The following RPS6KC1 variants were observed in gnomAD, a reference collection of about 807,000 sequenced individuals.
RPS6KC1 encodes the protein inactive ribosomal protein S6 kinase delta-1.
A neutral mutation model predicts 103.8 loss-of-function variants in RPS6KC1; 54 were observed. The ratio of observed to expected loss-of-function variants is 0.52; its 90% CI spans 0.42 to 0.65. RPS6KC1 has a LOEUF of 0.65. Among genes scored for constraint, RPS6KC1 ranks in the 30% least tolerant of loss-of-function variants. RPS6KC1 has a pLI of 0.00. For missense variants in RPS6KC1, 1,151 were observed against 1,253.8 expected (o/e 0.92, Z 1.24); for synonymous variants, 439 against 438.7 (o/e 1.00, Z -0.01).
At chr1:213,354,784 C>T in the RPS6KC1 span, among the ~76,000 whole-genome samples, 120 of 152,364 alleles carry the variant, frequency 7.9e-4, 1 homozygote, top group African/African-American at 2.8e-3. Context: ...ATGGATTAAT[C>T]TATTCCTTTA....
At chr1:213,248,019 G>T (rs572502039) in intron 12 of RPS6KC1, among the ~76,000 whole-genome samples, 1 of 152,206 alleles carries the variant, frequency 6.6e-6, no homozygotes, top group African/African-American at 2.4e-5. Flanking sequence ...TGAATGTCAA[G>T]ATTCTCAACA....
the RPS6KC1 span, among the ~76,000 whole-genome samples, chr1:213,533,809 A>G: frequency 6.6e-6 from 1 of 152,330 alleles, no homozygotes; most frequent in African/African-American, 2.4e-5. Flanking sequence ...GCAATTAGCT[A>G]TACACCATTT....
chr1:213,618,154 G>GAAA, the RPS6KC1 span, among the ~76,000 whole-genome samples: 1 of 152,020 alleles, frequency 6.6e-6, no homozygotes, highest in African/African-American at 2.4e-5. Flanking sequence ...TCCAAAAGGT[G>GAAA]TTTCTTTATT....
At chr1:213,710,078 A>C in the RPS6KC1 span, among the ~76,000 whole-genome samples, 5 of 152,168 alleles carry the variant, frequency 3.3e-5, no homozygotes, top group Non-Finnish European at 4.4e-5. Context: ...TATCTTTGTT[A>C]ATTTTCTGTC....
At chr1:213,539,288 T>A in the RPS6KC1 span, among the ~76,000 whole-genome samples, 2 of 152,150 alleles carry the variant, frequency 1.3e-5, no homozygotes, top group East Asian at 3.9e-4. Flanking sequence ...AGCAGTGGAA[T>A]AAATTGGCCT....
At chr1:213,423,925 G>C in the RPS6KC1 span, among the ~76,000 whole-genome samples, 1 of 152,218 alleles carries the variant, frequency 6.6e-6, no homozygotes, top group South Asian at 2.1e-4. Context: ...ACGCGAGTTT[G>C]CCAACTTTTC....
the RPS6KC1 span, among the ~76,000 whole-genome samples, chr1:213,334,784 C>T: frequency 6.6e-6 from 1 of 152,186 alleles, no homozygotes; most frequent in African/African-American, 2.4e-5. Flanking sequence ...TCTTTCTCTC[C>T]TTTATCCATC....
chr1:213,817,047 C>G, the RPS6KC1 span, among the ~76,000 whole-genome samples: 3 of 152,186 alleles, frequency 2.0e-5, no homozygotes, highest in Non-Finnish European at 2.9e-5. Context: ...GATACCATAG[C>G]CTGCTAAACC....
chr1:213,522,565 G>C, the RPS6KC1 span, among the ~76,000 whole-genome samples: 1 of 152,190 alleles, frequency 6.6e-6, no homozygotes, highest in Admixed American at 6.5e-5. Flanking sequence ...CCAATAGAAG[G>C]CTGTCTTATA....
rs969333483 is a variant in RPS6KC1, at chr1:213,190,241, T to A, written c.1044+13749T>A. Among the ~76,000 whole-genome samples the A allele has an allele frequency of 2.0e-5, 3 of 152,182 alleles. 1 individual carries two copies. Among genetic ancestry groups the A allele is most frequent in the Non-Finnish European group, 2.9e-5 (2 of 68,016 alleles). On this transcript the variant is annotated intron_variant, in intron 8 of 14. Coordinates refer to ENST00000366960, the MANE Select transcript of RPS6KC1 (RefSeq NM_012424.6). ...TGTGGAGCCTCCAAACTGTTCTCCATGGTGGTTGTACTAATTTAGATTTCC... is the reference window on the plus strand; with the variant it reads ...TGTGGAGCCTCCAAACTGTTCTCCAAGGTGGTTGTACTAATTTAGATTTCC...
chr1:213,499,534 A>G, the RPS6KC1 span, among the ~76,000 whole-genome samples: 1 of 152,190 alleles, frequency 6.6e-6, no homozygotes, highest in African/African-American at 2.4e-5. Context: ...CACAATTCAC[A>G]ATAGTGTTCT....
the RPS6KC1 span, among the ~76,000 whole-genome samples, chr1:213,506,680 G>T: frequency 6.6e-6 from 1 of 152,200 alleles, no homozygotes; most frequent in Admixed American, 6.5e-5. Context: ...GATGGAGGGA[G>T]ATCTGAATAT....
chr1:213,566,486 T>G, the RPS6KC1 span, among the ~76,000 whole-genome samples: 1 of 90,810 alleles, frequency 1.1e-5, no homozygotes, highest in Non-Finnish European at 2.2e-5. Flanking sequence ...TTTTTTTTTT[T>G]TTTTTGGATA....
At chr1:213,836,293 A>T in the RPS6KC1 span, among the ~76,000 whole-genome samples, 1 of 152,122 alleles carries the variant, frequency 6.6e-6, no homozygotes, top group East Asian at 1.9e-4. Flanking sequence ...ATTTTTATAA[A>T]TATAATGCAA....
chr1:213,286,812 ACCAC>A, the RPS6KC1 span, among the ~76,000 whole-genome samples: 3 of 152,182 alleles, frequency 2.0e-5, no homozygotes, highest in African/African-American at 7.2e-5. Context: ...ATTGCCAGAC[ACCAC>A]CTTGCTAAAG....
the RPS6KC1 span, among the ~76,000 whole-genome samples, chr1:213,582,006 T>C: frequency 6.6e-6 from 1 of 151,922 alleles, no homozygotes. Context: ...CTGCCCACAT[T>C]GCAACATTGT....
At chr1:213,488,272 A>C in the RPS6KC1 span, among the ~76,000 whole-genome samples, 2 of 152,252 alleles carry the variant, frequency 1.3e-5, no homozygotes, top group African/African-American at 4.8e-5. Flanking sequence ...AACACAATGT[A>C]GCTGAACTGT....
At chr1:213,187,250 CTTTTTT>C (rs758725965) in intron 8 of RPS6KC1, among the ~76,000 whole-genome samples, 2 of 135,108 alleles carry the variant, frequency 1.5e-5, no homozygotes, top group Admixed American at 7.5e-5. Context: ...TCTTCTTCTT[CTTTTTT>C]TTTTTTTTTT....
chr1:213,564,148 A>T, the RPS6KC1 span, among the ~76,000 whole-genome samples: 1 of 152,178 alleles, frequency 6.6e-6, no homozygotes, highest in Non-Finnish European at 1.5e-5. Flanking sequence ...GTGTTGTATA[A>T]AGTATAACAA....
Sources: allele counts gnomAD v4.1 joint callset (sites outside exome capture counted in the v4.1 genomes callset), GRCh38; gene constraint gnomAD v4.1.1; transcripts MANE v1.5; gene names NCBI Gene and HGNC (gene_info 2026-07-23, HGNC 2026-07-21).